Variants in PPP6R3 observed in about 807,000 individuals in gnomAD.
PPP6R3 encodes serine/threonine-protein phosphatase 6 regulatory subunit 3.
A neutral mutation model predicts 110.7 loss-of-function variants in PPP6R3; 38 were observed. The observed-to-expected ratio is 0.34, with a 90% CI of 0.26 to 0.45. The LOEUF (loss-of-function observed/expected upper bound fraction) is 0.45, where lower values mean the gene tolerates loss of function less well. PPP6R3 is among the 20% of genes least tolerant of loss of function. PPP6R3 has a pLI of 1.00. For synonymous variants in PPP6R3, 369 were observed against 373.5 expected, an observed-to-expected ratio of 0.99 and a Z score of 0.14; for missense variants, 870 against 1,062.4, an observed-to-expected ratio of 0.82 and a Z score of 2.52.
intron 16 of PPP6R3, among the ~76,000 whole-genome samples, chr11:68,590,172 C>A (rs745485020): frequency 6.6e-6 from 1 of 152,176 alleles, no homozygotes; most frequent in African/African-American, 2.4e-5. Flanking sequence ...GCAATGAATT[C>A]TTTTACTCCC....
intron 1 of PPP6R3, among the ~76,000 whole-genome samples, chr11:68,474,625 G>C (rs2098815368): frequency 1.3e-5 from 2 of 152,152 alleles, no homozygotes; most frequent in Admixed American, 1.3e-4. Context: ...GAGAGTTTAT[G>C]TAAAAGGGAA....
chr11:68,461,063 C>T (rs1196929713), intron 1 of PPP6R3, among the ~76,000 whole-genome samples: 1 of 151,624 alleles, frequency 6.6e-6, no homozygotes, highest in Non-Finnish European at 1.5e-5. Flanking sequence ...GGACGGGCGC[C>T]GGGAGCGGGA....
At chr11:68,568,096 A>T (rs2099486190) in intron 10 of PPP6R3, among the ~76,000 whole-genome samples, 1 of 152,136 alleles carries the variant, frequency 6.6e-6, no homozygotes, top group Admixed American at 6.5e-5. Flanking sequence ...CGTCACCGAG[A>T]TATTTTTGTT....
At chr11:68,567,281 C>T (rs1340589938) in intron 10 of PPP6R3, 115 bp downstream of exon 10, 1 of 1,154,448 alleles carries the variant, frequency 8.7e-7, no homozygotes, top group Non-Finnish European at 1.2e-6. Flanking sequence ...TTGGTCTGAG[C>T]ATAAATGGTG....
At chr11:68,508,381 C>T (rs1268004584) in intron 1 of PPP6R3, among the ~76,000 whole-genome samples, 2 of 152,154 alleles carry the variant, frequency 1.3e-5, no homozygotes, top group African/African-American at 4.8e-5. Context: ...CCACCCACCT[C>T]CACCTCTCAC....
At chr11:68,602,993 G>A (rs1215608600) in intron 21 of PPP6R3, among the ~76,000 whole-genome samples, 1 of 152,198 alleles carries the variant, frequency 6.6e-6, no homozygotes, top group African/African-American at 2.4e-5. Flanking sequence ...AAACAAGTGA[G>A]TAGAGGGTAG....
intron 2 of PPP6R3, among the ~76,000 whole-genome samples, chr11:68,522,062 C>T (rs1019614294): frequency 6.6e-6 from 1 of 152,198 alleles, no homozygotes; most frequent in Admixed American, 6.5e-5. Context: ...TGAGTATATT[C>T]ATTATTTGGA....
chr11:68,580,504 C>T (rs1188567964), intron 14 of PPP6R3, among the ~76,000 whole-genome samples: 4 of 151,642 alleles, frequency 2.6e-5, no homozygotes, highest in Non-Finnish European at 4.4e-5. Flanking sequence ...TGGTGAAGGG[C>T]GATGGGTCTG....
At position 68,519,986 on chromosome 11, in the gene PPP6R3, C is replaced by T. The variant is rs149563473; in HGVS notation, c.-7+335C>T. ...GCCCAGGCCACTGCTTCCAGGGCAC[C>T]GGGACTCTGTCTGTGTGTTTGTTTT... On this transcript the variant is annotated intron_variant, in intron 2 of 23. Transcript: ENST00000393800. 2.1e-3 allele frequency among the ~76,000 whole-genome samples: 327 copies of T among 152,276 alleles called. 2 individuals carry two copies. The highest frequency in any genetic ancestry group is 7.5e-3 in the African/African-American group (313 of 41,544).
rs1450403799 is a variant in PPP6R3, at chr11:68,608,424, GCTGCAGC to G, written c.2451-1475_2451-1469del. ...GGTGGATGATGTTGAGTGGCGGTGGGCTGCAGCCTGCGGGGCCCTGGTGGCCTGCTGG... is the reference window on the plus strand; with the variant it reads ...GGTGGATGATGTTGAGTGGCGGTGGGCTGCGGGGCCCTGGTGGCCTGCTGG... On this transcript the variant is annotated intron_variant, in intron 22 of 23. Coordinates refer to ENST00000393800, the MANE Select transcript of PPP6R3 (RefSeq NM_001164161.2). Among the ~76,000 whole-genome samples the G allele has an allele frequency of 5.9e-5, 9 of 152,330 alleles. No homozygotes were observed. The East Asian group carries it at 1.5e-3, about 26-fold the overall frequency.
intron 1 of PPP6R3, among the ~76,000 whole-genome samples, chr11:68,472,871 T>C (rs77578613): frequency 0.019 from 2,873 of 152,304 alleles, 92 homozygotes; most frequent in African/African-American, 0.066. Flanking sequence ...TTCTTTCAAC[T>C]TAGCATGTTT....
At position 68,613,931 on chromosome 11, in the gene PPP6R3, TTTG is replaced by T. The variant is rs1016758820; in HGVS notation, c.*817_*819del. The T allele has an allele frequency of 1.6e-5, 16 of 984,254 alleles. No individual in the cohort carries two copies. In the African/African-American group the frequency reaches 2.6e-4, roughly 16 times the overall value. The allele number at this position is 984,254 out of a possible 1,614,324, so 61.0% of individuals were successfully genotyped here. A position where few individuals can be genotyped will look rare whatever the true frequency, so the allele number is the denominator to read the frequency against. ...TTTTTTTTTTTGGCTTTTGTTTTTG[TTTG>T]TTTTTTTGTTTCATTTGGTAGTTCA... On this transcript the variant is annotated 3_prime_UTR_variant, in exon 24 of 24. Transcript: ENST00000393800.
chr11:68,576,957 C>T (rs1201041872), intron 14 of PPP6R3, among the ~76,000 whole-genome samples: 1 of 152,212 alleles, frequency 6.6e-6, no homozygotes. Flanking sequence ...GTGCCCCCTA[C>T]TTTGTAGATT....
intron 1 of PPP6R3, among the ~76,000 whole-genome samples, chr11:68,475,047 G>A (rs1274108447): frequency 1.3e-5 from 2 of 152,084 alleles, no homozygotes; most frequent in Admixed American, 1.3e-4. Context: ...GTTTTCCTAG[G>A]CAGAGGACCC....
chr11:68,614,555 A>ACAT lies in PPP6R3; in HGVS notation c.*1439_*1441dup, dbSNP rs1438309151. The ACAT allele has an allele frequency of 1.3e-6, 2 of 1,494,246 alleles. No individual in the cohort carries two copies. The highest frequency in any genetic ancestry group is 1.8e-6 in the Non-Finnish European group (2 of 1,132,760). The allele number at this position is 1,494,246 out of a possible 1,614,324, so 92.6% of individuals were successfully genotyped here. ...GTAGCATCCCAAGCAGCGTGCCTAAACATTACATTGCATATGGAAATAAAA... is the reference window on the plus strand; with the variant it reads ...GTAGCATCCCAAGCAGCGTGCCTAAACATCATTACATTGCATATGGAAATAAAA... On this transcript the variant is annotated 3_prime_UTR_variant, in exon 24 of 24. Transcript: ENST00000393800.
chr11:68,525,977 C>T (rs1457864581), intron 2 of PPP6R3, among the ~76,000 whole-genome samples: 2 of 152,204 alleles, frequency 1.3e-5, no homozygotes, highest in East Asian at 3.8e-4. Flanking sequence ...CCCTTTCTAG[C>T]CAAGCAGTTT....
Position 68,544,962 on chromosome 11 carries a change from C to A in PPP6R3, c.352C>A (p.Pro118Thr). The change falls in exon 4 of 24, where the codon CCA becomes ACA. Residue 118 changes from proline (P) to threonine (T), a missense_variant. Coordinates refer to ENST00000393800, the MANE Select transcript of PPP6R3 (RefSeq NM_001164161.2). ...CCTCCTAAACGATTCCCCTTTGAAT[C>A]CACTACTTGCCAGTTTCTTCAGCAA... ...SFLLNDSPLNPLLASFFSKVL... is the reference protein window; with the variant it reads ...SFLLNDSPLNTLLASFFSKVL... The A allele has an allele frequency of 6.2e-7, 1 of 1,608,224 alleles. No individual in the cohort carries two copies. The highest frequency in any genetic ancestry group is 8.5e-7 in the Non-Finnish European group (1 of 1,174,686).
At chr11:68,504,308 G>A (rs755564236) in intron 1 of PPP6R3, among the ~76,000 whole-genome samples, 2 of 151,942 alleles carry the variant, frequency 1.3e-5, no homozygotes, top group Non-Finnish European at 2.9e-5. Context: ...TATACAGGTG[G>A]GTCTGGTATA....
intron 1 of PPP6R3, among the ~76,000 whole-genome samples, chr11:68,464,899 T>C (rs544176805): frequency 1.2e-3 from 183 of 151,872 alleles, no homozygotes; most frequent in African/African-American, 3.7e-3. Context: ...TTTTTTTTTT[T>C]CGGAGACAGT....
Sources: allele counts gnomAD v4.1 joint callset (sites outside exome capture counted in the v4.1 genomes callset), GRCh38; gene constraint gnomAD v4.1.1; transcripts MANE v1.5; gene names NCBI Gene and HGNC (gene_info 2026-07-23, HGNC 2026-07-21).